LRPPRC: variants seen among roughly 807,000 people sequenced by gnomAD.
LRPPRC encodes leucine-rich PPR motif-containing protein, mitochondrial.
LRPPRC carries 120 observed loss-of-function variants against 180.3 expected under a neutral mutation model. The ratio of observed to expected loss-of-function variants is 0.67; its 90% CI spans 0.57 to 0.77. LRPPRC has a LOEUF of 0.77. Among genes scored for constraint, LRPPRC ranks in the 30% least tolerant of loss-of-function variants. The pLI is 0.00. For synonymous variants in LRPPRC, 723 were observed against 600.0 expected (o/e 1.21, Z -3.00); for missense variants, 2,012 against 1,657.2 (o/e 1.21, Z -3.72).
At chr2:43,970,959 G>C (rs946083845) in intron 11 of LRPPRC, among the ~76,000 whole-genome samples, 7 of 152,106 alleles carry the variant, frequency 4.6e-5, no homozygotes, top group African/African-American at 1.4e-4. Flanking sequence ...AATTAGCTGG[G>C]TGCAGTGACG....
chr2:43,960,507 T>A, intron 13 of LRPPRC, 34 bp downstream of exon 13: 1 of 1,103,890 alleles, frequency 9.1e-7, no homozygotes, highest in Non-Finnish European at 1.4e-6. Flanking sequence ...GAAATAAACA[T>A]CTATCAAGTT....
rs986692550 is a variant in LRPPRC, at chr2:43,995,824, CG to C, written c.123del (p.Ala42ProfsTer12). 1 of 1,414,582 alleles carries C rather than the reference CG, an allele frequency of 7.1e-7. No individual in the cohort carries two copies. The highest frequency in any genetic ancestry group is 1.5e-5 in the African/African-American group (1 of 66,166). The allele number at this position is 1,414,582 out of a possible 1,614,324, so 87.6% of individuals were successfully genotyped here. A position where few individuals can be genotyped will look rare whatever the true frequency, so the allele number is the denominator to read the frequency against. On this transcript the variant is annotated frameshift_variant, in exon 1 of 38. Transcript: ENST00000260665. LOFTEE classifies it high-confidence loss of function. ...CCGGCCACGGGCCCGGCGCGAGCGG[CG>C]GGCAGATAGGAGGCGGCATGCAGCC... ...PGRLHAASYL[P>X]AARAGPVAGG... is the part of the protein sequence containing the mutation.
intron 31 of LRPPRC, chr2:43,903,786 C>G (rs901876624): frequency 3.9e-5 from 6 of 152,234 alleles, no homozygotes; most frequent in African/African-American, 1.2e-4. Flanking sequence ...GAAAAATGAA[C>G]CCCCTGAAAT....
chr2:43,922,915 G>A (rs1161319252), intron 27 of LRPPRC, among the ~76,000 whole-genome samples: 1 of 152,114 alleles, frequency 6.6e-6, no homozygotes, highest in African/African-American at 2.4e-5. Context: ...CAGAAGGTAG[G>A]AAGTATACAA....
At chr2:43,953,960 A>G (rs1055132388) in intron 14 of LRPPRC, among the ~76,000 whole-genome samples, 12 of 152,210 alleles carry the variant, frequency 7.9e-5, no homozygotes, top group Non-Finnish European at 1.8e-4. Context: ...ACTTGAGCCC[A>G]GGAATTTAAC....
rs1259987697 is a variant in LRPPRC, at chr2:43,950,560, T to C, written c.1677+13A>G. Reference sequence around the variant, plus strand: ...AAAAGCACCTTATGATTTGCAATATTAGAGGGACTTACCTCGCTCCAAAGA... The same window carrying C: ...AAAAGCACCTTATGATTTGCAATATCAGAGGGACTTACCTCGCTCCAAAGA... On this transcript the variant is annotated intron_variant, in intron 15 of 37. Coordinates refer to ENST00000260665, the MANE Select transcript of LRPPRC (RefSeq NM_133259.4). 1.2e-6 allele frequency: 2 copies of C among 1,611,044 alleles called. No individual in the cohort carries two copies. Among genetic ancestry groups the C allele is most frequent in the Non-Finnish European group, 8.5e-7 (1 of 1,177,286 alleles).
intron 31 of LRPPRC, chr2:43,903,190 T>G (rs1670949672): frequency 1.3e-5 from 2 of 152,192 alleles, no homozygotes; most frequent in African/African-American, 4.8e-5. Context: ...TTGCCTTCTG[T>G]ACAGTTAATG....
rs750001755 is a variant in LRPPRC, at chr2:43,946,127, G to C, written c.2196C>G (p.Asn732Lys). 2 of 1,612,572 alleles carry C rather than the reference G, an allele frequency of 1.2e-6. No individual in the cohort carries two copies. Among genetic ancestry groups the C allele is most frequent in the Admixed American group, 1.7e-5 (1 of 59,990 alleles). ...CRHDKVEDAL[N>K]LKEEFDRLDS... is the part of the protein sequence containing the mutation. Reference sequence around the variant, plus strand: ...AGGGTACTCACAATTCTTCTTTCAAGTTCAAGGCATCTTCTACTTTATCAT... The same window carrying C: ...AGGGTACTCACAATTCTTCTTTCAACTTCAAGGCATCTTCTACTTTATCAT... The change falls in exon 21 of 38, where the codon AAC becomes AAG. Residue 732 changes from asparagine (N) to lysine (K), a missense_variant. Physicochemically the swap from Asn to Lys is moderately conservative, Grantham distance 94 (BLOSUM62 0). Coordinates refer to ENST00000260665, the MANE Select transcript of LRPPRC (RefSeq NM_133259.4).
At chr2:43,986,267 T>A (rs958489547) in intron 1 of LRPPRC, among the ~76,000 whole-genome samples, 34 of 152,194 alleles carry the variant, frequency 2.2e-4, no homozygotes, top group African/African-American at 7.2e-4. Context: ...GTAGCTGGGA[T>A]TACAGGCACA....
chr2:43,887,355 C>T lies in LRPPRC; in HGVS notation c.*1245G>A, dbSNP rs941011693. The T allele has an allele frequency of 3.3e-5, 5 of 152,064 alleles. No individual in the cohort carries two copies. The highest frequency in any genetic ancestry group is 2.1e-4 in the South Asian group (1 of 4,810). 9.4% of individuals were successfully genotyped at this position (152,064 alleles called of 1,614,324 possible). On this transcript the variant is annotated 3_prime_UTR_variant, in exon 38 of 38. Coordinates refer to ENST00000260665, the MANE Select transcript of LRPPRC (RefSeq NM_133259.4). ...TGATGACATCTACTTCCTGGCTTCC[C>T]GCCATCAACCCTCCCTCACACCATC...
intron 31 of LRPPRC, chr2:43,902,899 T>C (rs1670940152): frequency 6.6e-6 from 1 of 152,116 alleles, no homozygotes; most frequent in Non-Finnish European, 1.5e-5. Flanking sequence ...TATTGAGCAT[T>C]TACTACATGC....
chr2:43,911,710 A>G (rs1287132129), intron 30 of LRPPRC, among the ~76,000 whole-genome samples: 1 of 151,606 alleles, frequency 6.6e-6, no homozygotes, highest in Non-Finnish European at 1.5e-5. Flanking sequence ...TATTTTTAGT[A>G]GAGACAGGGT....
At chr2:43,947,639 T>C (rs369040360) in intron 19 of LRPPRC, 92 bp downstream of exon 19, 25 of 832,770 alleles carry the variant, frequency 3.0e-5, no homozygotes, top group South Asian at 1.7e-4. Flanking sequence ...GATAAAAATG[T>C]GAGGAATCAC....
At chr2:43,953,963 A>G (rs1257449324) in intron 14 of LRPPRC, among the ~76,000 whole-genome samples, 1 of 152,208 alleles carries the variant, frequency 6.6e-6, no homozygotes, top group Non-Finnish European at 1.5e-5. Flanking sequence ...TGAGCCCAGG[A>G]ATTTAACACC....
At chr2:43,933,723 T>G (rs1310374247) in intron 25 of LRPPRC, among the ~76,000 whole-genome samples, 3 of 152,112 alleles carry the variant, frequency 2.0e-5, no homozygotes, top group Non-Finnish European at 4.4e-5. Context: ...AAGAAGAAAA[T>G]TTAAATTAAA....
chr2:43,950,654 T>C lies in LRPPRC; in HGVS notation c.1650-54A>G, dbSNP rs1672863924. 1.1e-5 allele frequency: 13 copies of C among 1,156,942 alleles called. No homozygotes were observed. In the South Asian group the frequency reaches 1.2e-4, roughly 11 times the overall value. 71.7% of individuals were successfully genotyped at this position (1,156,942 alleles called of 1,614,324 possible). A position where few individuals can be genotyped will look rare whatever the true frequency, so the allele number is the denominator to read the frequency against. On this transcript the variant is annotated intron_variant, in intron 14 of 37. Coordinates refer to ENST00000260665, the MANE Select transcript of LRPPRC (RefSeq NM_133259.4). ...AAACCCAGGTTTATTTTCAAGTATA[T>C]GCATACTTGTAATATGTACAGATCA...
upstream of LRPPRC, among the ~76,000 whole-genome samples, chr2:43,996,158 T>G (rs1331157232): frequency 3.9e-5 from 6 of 152,296 alleles, no homozygotes; most frequent in East Asian, 1.2e-3. Flanking sequence ...TGTTGCTTGA[T>G]TCATTATCGA....
At chr2:43,960,393 C>T (rs1673295486) in intron 13 of LRPPRC, 148 bp downstream of exon 13, 7 of 653,464 alleles carry the variant, frequency 1.1e-5, no homozygotes, top group African/African-American at 1.8e-5. Context: ...AAATTATCCA[C>T]AAGTTCAACT....
At chr2:43,906,084 C>T (rs1041641824) in intron 30 of LRPPRC, among the ~76,000 whole-genome samples, 3 of 151,862 alleles carry the variant, frequency 2.0e-5, no homozygotes, top group African/African-American at 7.3e-5. Context: ...AAAATAACTG[C>T]GTGCCCCGCA....
Sources: allele counts gnomAD v4.1 joint callset (sites outside exome capture counted in the v4.1 genomes callset), GRCh38; gene constraint gnomAD v4.1.1; transcripts MANE v1.5; gene names NCBI Gene and HGNC (gene_info 2026-07-23, HGNC 2026-07-21).